The following FAM20A variants were observed in gnomAD, a reference collection of about 807,000 sequenced individuals.
The protein encoded by FAM20A is pseudokinase FAM20A.
Under a neutral mutation model 52.0 loss-of-function variants are expected in FAM20A, and 42 were observed. That is an observed-to-expected ratio of 0.81 (90% CI 0.63 to 1.04). The LOEUF is 1.04. FAM20A is among the 50% of genes least tolerant of loss of function. FAM20A has a pLI of 0.00. For synonymous variants in FAM20A, 304 were observed against 298.9 expected (o/e 1.02, Z -0.18); for missense variants, 742 against 712.7 (o/e 1.04, Z -0.47).
chr17:68,594,394 G>C (rs934165717), intron 1 of FAM20A, among the ~76,000 whole-genome samples: 1 of 140,582 alleles, frequency 7.1e-6, no homozygotes, highest in African/African-American at 2.8e-5. Context: ...GCGAGACTCC[G>C]TCTCAAAAAA....
In FAM20A at chr17:68,600,298, C is replaced by T. The variant is rs761392856; in HGVS notation, c.369G>A (p.Leu123=). 4 of 1,579,902 alleles carry T rather than the reference C, an allele frequency of 2.5e-6. No individual in the cohort carries two copies. Among genetic ancestry groups the T allele is most frequent in the South Asian group, 2.3e-5 (2 of 86,264 alleles). Residue 123 remains leucine (L), a synonymous_variant, in exon 1 of 11, where the codon CTG becomes CTA. Transcript: ENST00000592554. The surrounding 1 kb of genome is among the most constrained non-coding windows in gnomAD (Gnocchi z 6.2). ...EDSLLASQEA[L]RYYRRKVARW... ...GGGCCACCTTCCTCCGGTAATACCG[C>T]AGCGCCTCCTGGCTGGCCAGGAGCG...
At chr17:68,571,070 C>T (rs1020816090) in intron 1 of FAM20A, among the ~76,000 whole-genome samples, 1 of 152,140 alleles carries the variant, frequency 6.6e-6, no homozygotes, top group African/African-American at 2.4e-5. Flanking sequence ...TCATGAAGCT[C>T]TGGTCATCAG....
rs1209016909 is a variant in FAM20A, at chr17:68,537,742, C to T, written c.1362-1G>A. On this transcript the variant is annotated splice_acceptor_variant, in intron 10 of 10. Transcript: ENST00000592554. LOFTEE classifies it high-confidence loss of function. This position sits in a 1 kb window ranked among gnomAD's most constrained non-coding sequence, Gnocchi z 4.2. ...GTGCAAAAGTGTTTTCTTTTTTATCCTGAAAAGACAAAGTTACAGGAACCA... is the reference window on the plus strand; with the variant it reads ...GTGCAAAAGTGTTTTCTTTTTTATCTTGAAAAGACAAAGTTACAGGAACCA... 3 of 1,609,070 alleles carry T rather than the reference C, an allele frequency of 1.9e-6. No homozygotes were observed. Among genetic ancestry groups the T allele is most frequent in the Non-Finnish European group, 2.5e-6 (3 of 1,177,416 alleles).
At chr17:68,568,260 G>C (rs1403957791) in intron 1 of FAM20A, among the ~76,000 whole-genome samples, 1 of 151,824 alleles carries the variant, frequency 6.6e-6, no homozygotes, top group Non-Finnish European at 1.5e-5. Context: ...ACGAGGTCAG[G>C]AGATCAAGAC....
At chr17:68,561,638 G>A (rs2031047775) in intron 1 of FAM20A, among the ~76,000 whole-genome samples, 1 of 128,240 alleles carries the variant, frequency 7.8e-6, no homozygotes, top group African/African-American at 3.0e-5. Flanking sequence ...AGTCCAACTT[G>A]TATACTTATC....
rs766042943 is a variant in FAM20A, at chr17:68,537,536, C to T, written c.1567G>A (p.Val523Ile). ...GCCAACTGTTCCACTGGGCCGTCGA[C>T]TATGACACTCTGCTGTCCATGGGCC... Reference protein sequence around the residue: ...IVAHGQQSVIVDGPVEQLAPD... With the variant: ...IVAHGQQSVIIDGPVEQLAPD... Residue 523 changes from valine to isoleucine, a missense_variant, in exon 11 of 11, where the codon GTC becomes ATC. Val to Ile is a conservative substitution (Grantham distance 29). Transcript: ENST00000592554. This position sits in a 1 kb window ranked among gnomAD's most constrained non-coding sequence, Gnocchi z 4.2. 2 of 1,613,812 alleles carry T rather than the reference C, an allele frequency of 1.2e-6. No individual in the cohort carries two copies. The highest frequency in any genetic ancestry group is 4.5e-5 in the East Asian group (2 of 44,846).
chr17:68,581,370 C>CT (rs1555832022), intron 1 of FAM20A, among the ~76,000 whole-genome samples: 1 of 139,462 alleles, frequency 7.2e-6, no homozygotes, highest in Non-Finnish European at 1.5e-5. Flanking sequence ...TTCTTTCTTT[C>CT]TTTCTTTCTT....
At chr17:68,560,250 CA>C (rs2087172565) in intron 1 of FAM20A, among the ~76,000 whole-genome samples, 1 of 150,832 alleles carries the variant, frequency 6.6e-6, no homozygotes, top group Admixed American at 6.7e-5. Flanking sequence ...AAGGCTGAGG[CA>C]GGAGAATCGC....
chr17:68,544,408 A>C (rs561584353), intron 4 of FAM20A, among the ~76,000 whole-genome samples: 4 of 152,134 alleles, frequency 2.6e-5, no homozygotes, highest in Admixed American at 6.5e-5. Flanking sequence ...AGTGCTTTTT[A>C]ATCCTTAAGG....
At chr17:68,562,838 A>G (rs1437788719) in intron 1 of FAM20A, among the ~76,000 whole-genome samples, 3 of 152,188 alleles carry the variant, frequency 2.0e-5, no homozygotes, top group Non-Finnish European at 4.4e-5. Context: ...AGCAGAGAAG[A>G]GCTGTTTTCA....
intron 4 of FAM20A, among the ~76,000 whole-genome samples, chr17:68,547,311 G>A (rs2086616626): frequency 6.6e-6 from 1 of 152,120 alleles, no homozygotes; most frequent in African/African-American, 2.4e-5. Context: ...TAGGGTACAT[G>A]TGCACAACAT....
At chr17:68,592,500 A>C (rs2088341154) in intron 1 of FAM20A, among the ~76,000 whole-genome samples, 1 of 152,184 alleles carries the variant, frequency 6.6e-6, no homozygotes, top group African/African-American at 2.4e-5. Flanking sequence ...AAAAAGATTT[A>C]CCTACAACCT....
intron 5 of FAM20A, 25 bp from the exon 6 acceptor site, chr17:68,542,834 A>G: frequency 6.4e-7 from 1 of 1,553,192 alleles, no homozygotes; most frequent in Non-Finnish European, 8.9e-7. Flanking sequence ...GCTCTGTTCC[A>G]TCTGAGGGAT....
chr17:68,579,829 C>T (rs1018085786), intron 1 of FAM20A, among the ~76,000 whole-genome samples: 6 of 152,122 alleles, frequency 3.9e-5, no homozygotes, highest in Non-Finnish European at 7.3e-5. Flanking sequence ...GGAAGCGACG[C>T]AGATCACATC....
chr17:68,554,038 G>GCATATATA (rs201674555), intron 3 of FAM20A, among the ~76,000 whole-genome samples: 73,069 of 122,292 alleles, frequency 0.6, 22,599 homozygotes, highest in East Asian at 0.79. Flanking sequence ...ATACACACAT[G>GCATATATA]CATATATACA....
At chr17:68,540,434 G>C in intron 8 of FAM20A, 1 of 464,306 alleles carries the variant, frequency 2.2e-6, no homozygotes. Flanking sequence ...TAAGTGTCTC[G>C]TCTCCCTAGA....
intron 1 of FAM20A, among the ~76,000 whole-genome samples, chr17:68,571,368 ATGCTTGAACACGTTTCC>A (rs2087530281): frequency 6.6e-6 from 1 of 152,228 alleles, no homozygotes; most frequent in Non-Finnish European, 1.5e-5. Flanking sequence ...CGATTATTAG[ATGCTTGAACACGTTTCC>A]TGCTGCCAAA....
At chr17:68,566,589 G>A (rs1432303723) in intron 1 of FAM20A, among the ~76,000 whole-genome samples, 3 of 152,194 alleles carry the variant, frequency 2.0e-5, no homozygotes, top group Non-Finnish European at 4.4e-5. Flanking sequence ...GTCAAAGAGG[G>A]AAAACAGCAA....
At position 68,541,114 on chromosome 17, in the gene FAM20A, C is replaced by T. The variant is rs150280194; in HGVS notation, c.1110-156G>A. ...AATTCAGAAAGGCCCTGGGCAAGGA[C>T]GCGTAAGGCTGCATATTCCGTGTGG... On this transcript the variant is annotated intron_variant, in intron 7 of 10. Transcript: ENST00000592554. The T allele has an allele frequency of 7.4e-4, 795 of 1,072,650 alleles. 1 individual carries two copies. The highest frequency in any genetic ancestry group is 1.2e-3 in the Middle Eastern group (4 of 3,312). 66.4% of individuals were successfully genotyped at this position (1,072,650 alleles called of 1,614,324 possible).
Sources: gnomAD v4.1 joint callset for allele counts (sites outside exome capture counted in the v4.1 genomes callset) on GRCh38, gnomAD v4.1.1 for gene constraint, Gnocchi (gnomAD v3.1) non-coding constraint, MANE v1.5 for transcripts, NCBI Gene and HGNC (gene_info 2026-07-23, HGNC 2026-07-21) for gene names.